FRMPD4: variants seen among roughly 807,000 people sequenced by gnomAD.
FRMPD4 encodes the protein FERM and PDZ domain containing 4, also known as FERM and PDZ domain-containing protein 4.
FRMPD4 carries 22 observed loss-of-function variants against 94.1 expected under a neutral mutation model. That is an observed-to-expected ratio of 0.23 (90% CI 0.17 to 0.33). The LOEUF is 0.33. FRMPD4 is among the 10% of genes least tolerant of loss of function. The pLI is 1.00. For synonymous variants in FRMPD4, 631 were observed against 548.6 expected, an observed-to-expected ratio of 1.15 and a Z score of -2.10; for missense variants, 1,111 against 1,339.9, an observed-to-expected ratio of 0.83 and a Z score of 2.67.
intron 3 of FRMPD4, among the ~76,000 whole-genome samples, chrX:11,932,097 A>G (rs1324698051): frequency 9.0e-6 from 1 of 111,720 alleles, no homozygotes; most frequent in Non-Finnish European, 1.9e-5. Context: ...CATATACCAC[A>G]ATGCTAGGCC....
chrX:12,148,209 T>G (rs769345828), intron 1 of FRMPD4, among the ~76,000 whole-genome samples: 1 of 112,186 alleles, frequency 8.9e-6, no homozygotes, highest in South Asian at 3.7e-4. Context: ...AGACCTCTTG[T>G]GCCAAACAGT....
intron 3 of FRMPD4, among the ~76,000 whole-genome samples, chrX:12,059,124 G>A (rs1411461826): frequency 9.0e-6 from 1 of 111,319 alleles, no homozygotes; most frequent in African/African-American, 3.3e-5. Context: ...TTTTATAAAT[G>A]CCCCACATGT....
At chrX:12,225,434 T>C (rs781750967) in intron 1 of FRMPD4, among the ~76,000 whole-genome samples, 4 of 111,987 alleles carry the variant, frequency 3.6e-5, no homozygotes, top group Admixed American at 9.5e-5. Context: ...TGAAGGAAGA[T>C]AGATGCCCAT....
intron 4 of FRMPD4, among the ~76,000 whole-genome samples, chrX:12,643,048 C>T (rs980871382): frequency 1.8e-5 from 2 of 112,071 alleles, no homozygotes; most frequent in Non-Finnish European, 3.8e-5. Flanking sequence ...AGTGTGCTGA[C>T]TCCTGGTCTA....
intron 3 of FRMPD4, among the ~76,000 whole-genome samples, chrX:11,905,499 C>T (rs2053962416): frequency 9.0e-6 from 1 of 111,560 alleles, no homozygotes; most frequent in African/African-American, 3.3e-5. Context: ...AACAAGAAAT[C>T]TTCCTATTTG....
At chrX:12,067,151 T>A (rs1000401059) in intron 3 of FRMPD4, among the ~76,000 whole-genome samples, 1 of 110,086 alleles carries the variant, frequency 9.1e-6, no homozygotes, top group Non-Finnish European at 1.9e-5. Context: ...ATTACAGGCG[T>A]GAGCCACCAA....
Position 11,973,799 on chromosome X carries a change from G to A in FRMPD4, c.95+95781G>A, listed in dbSNP as rs1471777710. Among the ~76,000 whole-genome samples the A allele has an allele frequency of 6.3e-5, 7 of 111,917 alleles. No homozygotes were observed. The East Asian group carries it at 1.7e-3, about 27-fold the overall frequency. On this transcript the variant is annotated intron_variant, in intron 3 of 18. Transcript: ENST00000640291. ...CTATATAACGCTAAGGAATAGGCAG[G>A]AAAATATGTCTTCTGCCACAGAAAT...
intron 3 of FRMPD4, among the ~76,000 whole-genome samples, chrX:12,030,409 T>C (rs977100965): frequency 1.8e-5 from 2 of 111,565 alleles, no homozygotes; most frequent in Non-Finnish European, 3.8e-5. Context: ...TTCTAATAGC[T>C]TTTTTTTGTG....
intron 1 of FRMPD4, among the ~76,000 whole-genome samples, chrX:12,251,136 C>G (rs890237311): frequency 8.9e-6 from 1 of 112,048 alleles, no homozygotes; most frequent in Non-Finnish European, 1.9e-5. Flanking sequence ...CCTTGAAGAC[C>G]GAGGAGATCC....
intron 1 of FRMPD4, among the ~76,000 whole-genome samples, chrX:12,437,709 A>C (rs1261963012): frequency 8.9e-6 from 1 of 112,018 alleles, no homozygotes; most frequent in East Asian, 2.8e-4. Flanking sequence ...TGTGTCTCAT[A>C]GGTAATCTGC....
At chrX:11,974,699 T>C (rs1464542306) in intron 3 of FRMPD4, among the ~76,000 whole-genome samples, 1 of 112,134 alleles carries the variant, frequency 8.9e-6, no homozygotes, top group Non-Finnish European at 1.9e-5. Context: ...AGTGATGTGC[T>C]CTTGATGAGT....
chrX:11,964,295 G>A (rs1240472697), intron 3 of FRMPD4, among the ~76,000 whole-genome samples: 1 of 110,086 alleles, frequency 9.1e-6, no homozygotes, highest in African/African-American at 3.3e-5. Flanking sequence ...GAGTAGCTGG[G>A]ACTACACGTG....
intron 2 of FRMPD4, among the ~76,000 whole-genome samples, chrX:11,876,426 T>C (rs2053785923): frequency 9.1e-6 from 1 of 110,434 alleles, no homozygotes; most frequent in Non-Finnish European, 1.9e-5. Context: ...AGTTACACAA[T>C]TGGGCTCAAG....
At chrX:12,543,549 C>T (rs1045212815) in intron 2 of FRMPD4, among the ~76,000 whole-genome samples, 9 of 112,182 alleles carry the variant, frequency 8.0e-5, no homozygotes, top group Admixed American at 5.7e-4. Flanking sequence ...GATACCATCT[C>T]ACACCAGTCA....
At chrX:12,546,964 C>T (rs1399154194) in intron 2 of FRMPD4, among the ~76,000 whole-genome samples, 1 of 86,575 alleles carries the variant, frequency 1.2e-5, no homozygotes, top group East Asian at 3.9e-4. Flanking sequence ...TGAGCTATGA[C>T]TGTGCCACTG....
chrX:11,892,717 G>A (rs1383782163), intron 3 of FRMPD4, among the ~76,000 whole-genome samples: 2 of 112,149 alleles, frequency 1.8e-5, no homozygotes, highest in Admixed American at 1.9e-4. Flanking sequence ...GCTGCTTTTG[G>A]TCAGAGTCTG....
At chrX:11,935,248 TGTTTTTTTTTTTTTTAATG>T (rs1354627803) in intron 3 of FRMPD4, among the ~76,000 whole-genome samples, 13 of 34,305 alleles carry the variant, frequency 3.8e-4, no homozygotes, top group African/African-American at 1.0e-3. Flanking sequence ...TTTGTTTTGT[TGTTTTTTTTTTTTTTAATG>T]TGTTTTTTTT....
At position 12,720,788 on chromosome X, in the gene FRMPD4, A is replaced by G; in HGVS notation, c.4219A>G (p.Ile1407Val). ...GAAGGCTCTGAGACATAGCAGCAGT[A>G]TCCTCTCCGGATCTGTCGATTTGGA... ...SQKALRHSSS[I>V]LSGSVDLETF... Residue 1407 changes from isoleucine to valine, a missense_variant, in exon 17 of 17, where the codon ATC becomes GTC. Coordinates refer to ENST00000675598, the MANE Select transcript of FRMPD4 (RefSeq NM_001368397.1). The G allele has an allele frequency of 8.8e-6, 9 of 1,018,952 alleles. No homozygotes were observed. Among genetic ancestry groups the G allele is most frequent in the Non-Finnish European group, 1.1e-5 (9 of 802,529 alleles). 84.0% of individuals were successfully genotyped at this position (1,018,952 alleles called of 1,213,427 possible).
chrX:12,006,422 CT>C (rs1324811289), intron 3 of FRMPD4, among the ~76,000 whole-genome samples: 1 of 112,056 alleles, frequency 8.9e-6, no homozygotes, highest in Non-Finnish European at 1.9e-5. Flanking sequence ...GTTAAAAGAA[CT>C]TTTAACATGT....
Sources: gnomAD v4.1 joint callset for allele counts (sites outside exome capture counted in the v4.1 genomes callset) on GRCh38, gnomAD v4.1.1 for gene constraint, MANE v1.5 for transcripts, NCBI Gene and HGNC (gene_info 2026-07-23, HGNC 2026-07-21) for gene names.